DLG2: variants seen among roughly 807,000 people sequenced by gnomAD.
The protein encoded by DLG2 is discs large MAGUK scaffold protein 2.
DLG2 carries 45 observed loss-of-function variants against 132.5 expected under a neutral mutation model. The ratio of observed to expected loss-of-function variants is 0.34; its 90% confidence interval spans 0.27 to 0.44. The LOEUF (loss-of-function observed/expected upper bound fraction) is 0.44. DLG2 is among the 20% of genes least tolerant of loss of function. The pLI is 1.00. For missense variants in DLG2, 1,045 were observed against 1,196.9 expected, an observed-to-expected ratio of 0.87 and a Z score of 1.87; for synonymous variants, 424 against 419.6, an observed-to-expected ratio of 1.01 and a Z score of -0.13.
chr11:84,496,492 T>C (rs2099184434), intron 7 of DLG2, among the ~76,000 whole-genome samples: 1 of 152,156 alleles, frequency 6.6e-6, no homozygotes. Context: ...GGTGTGCATA[T>C]GTCATGCCAG....
intron 15 of DLG2, among the ~76,000 whole-genome samples, chr11:83,919,464 G>A (rs977193265): frequency 9.2e-5 from 14 of 152,088 alleles, no homozygotes; most frequent in East Asian, 1.9e-4. Context: ...TAAGGCAGAA[G>A]CTGATTAAAA....
intron 2 of DLG2, among the ~76,000 whole-genome samples, chr11:85,626,261 T>G (rs17148259): frequency 0.048 from 7,348 of 152,282 alleles, 564 homozygotes; most frequent in African/African-American, 0.17. Flanking sequence ...TGCACAAGTT[T>G]CTTTTTTAAA....
intron 7 of DLG2, among the ~76,000 whole-genome samples, chr11:84,253,652 T>G (rs903420392): frequency 6.6e-5 from 10 of 152,104 alleles, no homozygotes; most frequent in African/African-American, 2.4e-4. Flanking sequence ...TACTGCTTAT[T>G]AAGTATGTAT....
intron 7 of DLG2, among the ~76,000 whole-genome samples, chr11:84,293,412 G>A (rs1257917842): frequency 2.6e-5 from 4 of 151,970 alleles, no homozygotes; most frequent in East Asian, 1.9e-4. Context: ...GGTGGCTCAC[G>A]CCTGTAATCC....
At chr11:83,729,399 C>T (rs2090584712) in intron 18 of DLG2, among the ~76,000 whole-genome samples, 1 of 152,162 alleles carries the variant, frequency 6.6e-6, no homozygotes, top group Non-Finnish European at 1.5e-5. Flanking sequence ...TTCAAGCATA[C>T]AATCTCCGTG....
chr11:84,123,996 T>C (rs1269567470), intron 9 of DLG2, among the ~76,000 whole-genome samples: 1 of 152,242 alleles, frequency 6.6e-6, no homozygotes, highest in African/African-American at 2.4e-5. Context: ...ATAAAGTCGG[T>C]TGAGAGCTAT....
chr11:85,364,078 A>G (rs552155286), intron 3 of DLG2, among the ~76,000 whole-genome samples: 9 of 152,342 alleles, frequency 5.9e-5, no homozygotes, highest in African/African-American at 2.2e-4. Flanking sequence ...GAGCTGGGTT[A>G]TAACAAGGTT....
chr11:85,494,348 T>C (rs551134798), intron 3 of DLG2, among the ~76,000 whole-genome samples: 1 of 152,324 alleles, frequency 6.6e-6, no homozygotes, highest in African/African-American at 2.4e-5. Context: ...GGAATTGTTC[T>C]TAAAAAAATT....
At chr11:84,681,472 AT>A (rs2099729781) in intron 6 of DLG2, among the ~76,000 whole-genome samples, 1 of 152,152 alleles carries the variant, frequency 6.6e-6, no homozygotes, top group Non-Finnish European at 1.5e-5. Flanking sequence ...TGTAATATAC[AT>A]TAGGAAGTGG....
chr11:83,869,093 G>A lies in DLG2; in HGVS notation c.1565+5327C>T, dbSNP rs181032131. On this transcript the variant is annotated intron_variant, in intron 16 of 27. Transcript: ENST00000376104. ...TTATTTAACTCAACCTGATCACTTC[G>A]TATATGAGATAACAGACATCTTGCC... is the stretch of plus-strand genomic sequence containing the variant. Among the ~76,000 whole-genome samples the A allele has an allele frequency of 3.3e-5, 5 of 152,238 alleles. No homozygotes were observed. In the East Asian group the frequency reaches 7.7e-4, roughly 24 times the overall value.
intron 3 of DLG2, among the ~76,000 whole-genome samples, chr11:85,583,112 GTGTGTGTGTGTGTGTGTGTA>G (rs1565717235): frequency 1.3e-3 from 72 of 53,592 alleles, no homozygotes; most frequent in African/African-American, 4.7e-3. Context: ...GTGTGTGTGT[GTGTGTGTGTGTGTGTGTGTA>G]TATATATATA....
At chr11:84,522,654 A>G (rs1261632970) in intron 7 of DLG2, among the ~76,000 whole-genome samples, 1 of 152,200 alleles carries the variant, frequency 6.6e-6, no homozygotes, top group Non-Finnish European at 1.5e-5. Context: ...GAGAAAATCA[A>G]TTCAACCTTC....
At chr11:85,547,792 C>T (rs1015267464) in intron 3 of DLG2, among the ~76,000 whole-genome samples, 8 of 152,020 alleles carry the variant, frequency 5.3e-5, no homozygotes, top group Middle Eastern at 3.4e-3. Flanking sequence ...TTGATATTTG[C>T]GTATGCCTCA....
At chr11:85,607,086 C>T (rs1038210396) in intron 2 of DLG2, among the ~76,000 whole-genome samples, 3 of 152,180 alleles carry the variant, frequency 2.0e-5, no homozygotes, top group Non-Finnish European at 2.9e-5. Flanking sequence ...TATCGCCTAT[C>T]GCCAAGTGGT....
chr11:84,725,722 G>A (rs1240155329), intron 6 of DLG2, among the ~76,000 whole-genome samples: 3 of 152,104 alleles, frequency 2.0e-5, no homozygotes, highest in Non-Finnish European at 4.4e-5. Context: ...GTAAAATGGT[G>A]ATAATACTAT....
intron 3 of DLG2, among the ~76,000 whole-genome samples, chr11:85,532,164 T>C (rs530638938): frequency 1.3e-5 from 2 of 152,216 alleles, no homozygotes; most frequent in African/African-American, 4.8e-5. Flanking sequence ...CTACGCAGTA[T>C]ATACAAAAGA....
At chr11:84,090,717 CA>C (rs2097077429) in intron 10 of DLG2, among the ~76,000 whole-genome samples, 1 of 152,058 alleles carries the variant, frequency 6.6e-6, no homozygotes, top group African/African-American at 2.4e-5. Context: ...TAACATGCAT[CA>C]AAAGGTTTTA....
intron 18 of DLG2, among the ~76,000 whole-genome samples, chr11:83,669,495 C>A (rs911080338): frequency 6.6e-6 from 1 of 152,150 alleles, no homozygotes; most frequent in Non-Finnish European, 1.5e-5. Flanking sequence ...ACAATTAAGG[C>A]TCACAAAAGA....
At chr11:83,914,322 G>A (rs1679274429) in intron 15 of DLG2, among the ~76,000 whole-genome samples, 2 of 152,144 alleles carry the variant, frequency 1.3e-5, no homozygotes, top group Admixed American at 6.6e-5. Context: ...TCTGCTAGAA[G>A]CAGATGCTGA....
Sources: allele counts gnomAD v4.1 joint callset (sites outside exome capture counted in the v4.1 genomes callset), GRCh38; gene constraint gnomAD v4.1.1; transcripts MANE v1.5; gene names NCBI Gene and HGNC (gene_info 2026-07-23, HGNC 2026-07-21).